The following HPS1 variants were observed in gnomAD, a reference collection of about 807,000 sequenced individuals.
HPS1 encodes HPS1 biogenesis of lysosomal organelles complex 3 subunit 1.
HPS1 carries 59 observed loss-of-function variants against 90.6 expected under a neutral mutation model. The observed-to-expected ratio is 0.65, with a 90% CI of 0.53 to 0.81. The LOEUF is 0.81. Ranked by LOEUF, HPS1 falls within the 30% of genes least tolerant of loss-of-function variation. The pLI, the probability that HPS1 is intolerant of heterozygous loss-of-function variation, is 0.00. For synonymous variants in HPS1, 388 were observed against 384.4 expected (o/e 1.01, Z -0.11); for missense variants, 849 against 896.7 (o/e 0.95, Z 0.68).
chr10:98,446,272 ATGCTTCCCAAAGGC>A (rs1939525470), intron 1 of HPS1, among the ~76,000 whole-genome samples: 1 of 152,132 alleles, frequency 6.6e-6, no homozygotes, highest in Non-Finnish European at 1.5e-5. Context: ...AAACAGGGGG[ATGCTTCCCAAAGGC>A]TGCTGGGAAG....
At chr10:98,423,286 C>CCCG (rs1554887510) in intron 16 of HPS1, among the ~76,000 whole-genome samples, 4 of 122,608 alleles carry the variant, frequency 3.3e-5, no homozygotes, top group African/African-American at 1.2e-4. Flanking sequence ...GGAACCCCCC[C>CCCG]CCCGGTCCCC....
chr10:98,433,015 T>G (rs1336852728), intron 6 of HPS1, among the ~76,000 whole-genome samples: 2 of 152,042 alleles, frequency 1.3e-5, no homozygotes, highest in Non-Finnish European at 2.9e-5. Context: ...GGGCAGATCA[T>G]GAGGTCAGGA....
intron 6 of HPS1, among the ~76,000 whole-genome samples, chr10:98,432,615 C>G (rs11599208): frequency 6.6e-6 from 1 of 152,040 alleles, no homozygotes; most frequent in African/African-American, 2.4e-5. Flanking sequence ...AATATCTGTA[C>G]GTGTTCTTTT....
At chr10:98,439,292 G>T (rs1205233759) in intron 3 of HPS1, among the ~76,000 whole-genome samples, 2 of 152,112 alleles carry the variant, frequency 1.3e-5, no homozygotes, top group African/African-American at 4.8e-5. Context: ...TAGATCCACC[G>T]ACAGCTTGCA....
In HPS1 at chr10:98,423,915, G is replaced by A. The variant is rs765334465; in HGVS notation, c.1398-28C>T. ...GAGCACGAGAGAGGAGGGCATTACAGCAGAAGGGACCTAGGGGAGCCCCTC... is the reference window on the plus strand; with the variant it reads ...GAGCACGAGAGAGGAGGGCATTACAACAGAAGGGACCTAGGGGAGCCCCTC... On this transcript the variant is annotated intron_variant, in intron 14 of 19. Transcript: ENST00000361490. 3.7e-6 allele frequency: 6 copies of A among 1,611,788 alleles called. No homozygotes were observed. The African/African-American group carries it at 8.0e-5, about 22-fold the overall frequency.
intron 14 of HPS1, 137 bp from the exon 15 acceptor site, chr10:98,424,024 T>A (rs1025907617): frequency 4.3e-6 from 5 of 1,170,324 alleles, no homozygotes; most frequent in Non-Finnish European, 6.2e-6. Flanking sequence ...CCCACTCTTG[T>A]ACCCAGGACA....
chr10:98,417,112 C>T lies in HPS1; in HGVS notation c.*452G>A, dbSNP rs701801. On this transcript the variant is annotated 3_prime_UTR_variant, in exon 20 of 20. Coordinates refer to ENST00000361490, the MANE Select transcript of HPS1 (RefSeq NM_000195.5). The surrounding 1 kb of genome is among the most constrained non-coding windows in gnomAD (Gnocchi z 4.2). ...GGGACGGAGGTGCCATCGCTTTAAACGTGGGGAATAGAAGAAACTTGCCAG... is the reference window on the plus strand; with the variant it reads ...GGGACGGAGGTGCCATCGCTTTAAATGTGGGGAATAGAAGAAACTTGCCAG... 0.39 allele frequency: 60,846 copies of T among 156,666 alleles called. 13,062 individuals are homozygous for T. Among genetic ancestry groups the T allele is most frequent in the African/African-American group, 0.57 (23,617 of 41,470 alleles). 9.7% of individuals were successfully genotyped at this position (156,666 alleles called of 1,614,324 possible).
chr10:98,436,541 G>T (rs747259073), intron 3 of HPS1, among the ~76,000 whole-genome samples: 9 of 146,004 alleles, frequency 6.2e-5, no homozygotes, highest in Non-Finnish European at 1.4e-4. Context: ...AGCCTGCATT[G>T]ACTTTGATAA....
chr10:98,416,808 G>T lies in HPS1; in HGVS notation c.*756C>A, dbSNP rs1844176678. 6.6e-6 allele frequency: 1 copy of T among 152,292 alleles called. No homozygotes were observed. Among genetic ancestry groups the T allele is most frequent in the Non-Finnish European group, 1.5e-5 (1 of 68,054 alleles). The allele number at this position is 152,292 out of a possible 1,614,324, so 9.4% of individuals were successfully genotyped here. The stretch of plus-strand genomic sequence containing the variant: ...AAGAGAGGGGCTGTACCCCTCGGGT[G>T]GTGGTTCTCAATCCAGGGCGCACCA... On this transcript the variant is annotated 3_prime_UTR_variant, in exon 20 of 20. Transcript: ENST00000361490.
At position 98,423,847 on chromosome 10, in the gene HPS1, C is replaced by T. The variant is rs17109853; in HGVS notation, c.1438G>A (p.Ala480Thr). 1.2e-4 allele frequency: 190 copies of T among 1,613,838 alleles called. No homozygotes were observed. The African/African-American group carries it at 2.2e-3, about 18-fold the overall frequency. Reference sequence around the variant, plus strand: ...GTCAGAAAGTTCAGCCGGTAGATGGCGCAGAGCTGCCGCTTCAGCTTCCCA... The same window carrying T: ...GTCAGAAAGTTCAGCCGGTAGATGGTGCAGAGCTGCCGCTTCAGCTTCCCA... ...ACGKLKRQLC[A>T]IYRLNFLTTA... The change falls in exon 15 of 20, where the codon GCC becomes ACC. Residue 480 changes from alanine to threonine, a missense_variant. Ala to Thr is a moderately conservative substitution (Grantham distance 58). Transcript: ENST00000361490.
rs544775629 is a variant in HPS1 at position 98,417,872 on chromosome 10, G to A, written c.1941-146C>T. ...GCATGTGGGCCTTGACAACCGCTCC[G>A]GTTCCTCACTGACCTAACAGTGGCA... On this transcript the variant is annotated intron_variant, in intron 19 of 19. Transcript: ENST00000361490. This position sits in a 1 kb window ranked among gnomAD's most constrained non-coding sequence, Gnocchi z 4.2. 1.1e-5 allele frequency: 8 copies of A among 755,030 alleles called. 1 individual carries two copies. Among genetic ancestry groups the A allele is most frequent in the Admixed American group, 8.9e-5 (4 of 44,758 alleles). 46.8% of individuals were successfully genotyped at this position (755,030 alleles called of 1,614,324 possible). A position where few individuals can be genotyped will look rare whatever the true frequency, so the allele number is the denominator to read the frequency against.
intron 14 of HPS1, 83 bp downstream of exon 14, chr10:98,424,230 G>A: frequency 2.1e-6 from 2 of 959,764 alleles, no homozygotes; most frequent in Non-Finnish European, 3.4e-6. Flanking sequence ...TAAATGAAGG[G>A]CAGTGGTGGA....
At chr10:98,419,336 G>T (rs1844542843) in intron 18 of HPS1, among the ~76,000 whole-genome samples, 1 of 152,150 alleles carries the variant, frequency 6.6e-6, no homozygotes, top group African/African-American at 2.4e-5. Flanking sequence ...AACCACTTAT[G>T]GTGACAAGCG....
chr10:98,444,808 A>T (rs939859887), intron 2 of HPS1, among the ~76,000 whole-genome samples: 2 of 152,218 alleles, frequency 1.3e-5, no homozygotes, highest in African/African-American at 4.8e-5. Context: ...GCAGACACTG[A>T]GAGTGCAACA....
At chr10:98,432,385 A>G (rs534768491) in intron 6 of HPS1, among the ~76,000 whole-genome samples, 1 of 152,312 alleles carries the variant, frequency 6.6e-6, no homozygotes, top group South Asian at 2.1e-4. Context: ...AAGGGCAGTG[A>G]ATATGTCTTT....
At chr10:98,415,240 G>A (rs150862862), downstream of HPS1, 19 of 1,403,812 alleles carry the variant, frequency 1.4e-5, no homozygotes, top group East Asian at 3.7e-4. Flanking sequence ...AAGAGGAGGA[G>A]CTGCAGTCCC....
intron 6 of HPS1, 21 bp from the exon 7 acceptor site, chr10:98,431,312 G>A: frequency 1.9e-6 from 3 of 1,612,304 alleles, no homozygotes; most frequent in South Asian, 1.1e-5. Flanking sequence ...CAGGAAGGGA[G>A]AGGAAGCCAT....
intron 19 of HPS1, 59 bp downstream of exon 19, chr10:98,418,116 C>G (rs374187703): frequency 8.8e-7 from 1 of 1,139,416 alleles, no homozygotes; most frequent in African/African-American, 1.5e-5. Flanking sequence ...CCGGCAGAGG[C>G]GAGCACTTAT....
intron 18 of HPS1, 99 bp downstream of exon 18, chr10:98,419,946 T>C (rs1844633212): frequency 2.3e-6 from 2 of 874,682 alleles, no homozygotes; most frequent in African/African-American, 3.3e-5. Context: ...GAAGAGAAGA[T>C]GAGACAGACA....
Sources: allele counts gnomAD v4.1 joint callset (sites outside exome capture counted in the v4.1 genomes callset), GRCh38; gene constraint gnomAD v4.1.1; non-coding constraint Gnocchi (gnomAD v3.1); transcripts MANE v1.5; gene names NCBI Gene and HGNC (gene_info 2026-07-23, HGNC 2026-07-21).